CSMD1: variants seen among roughly 807,000 people sequenced by gnomAD.
The protein encoded by CSMD1 is CUB and Sushi multiple domains 1.
A neutral mutation model predicts 417.5 loss-of-function variants in CSMD1; 213 were observed. The ratio of observed to expected loss-of-function variants is 0.51; its 90% CI spans 0.46 to 0.57. The LOEUF is 0.57. Ranked by LOEUF, CSMD1 falls within the 20% of genes least tolerant of loss-of-function variation. CSMD1 has a pLI of 0.00. For synonymous variants in CSMD1, 2,862 were observed against 1,736.8 expected (o/e 1.65, Z -16.11); for missense variants, 6,923 against 4,529.7 (o/e 1.53, Z -15.17).
chr8:3,441,645 T>C (rs947259474), intron 12 of CSMD1, among the ~76,000 whole-genome samples: 9 of 152,066 alleles, frequency 5.9e-5, no homozygotes, highest in Non-Finnish European at 8.8e-5. Flanking sequence ...CCATTGATCA[T>C]AGCACAATGC....
chr8:3,474,378 G>A (rs981240053), intron 11 of CSMD1, among the ~76,000 whole-genome samples: 1 of 152,164 alleles, frequency 6.6e-6, no homozygotes, highest in Non-Finnish European at 1.5e-5. Flanking sequence ...CTCGGGGGAA[G>A]AGGTTTTCCT....
intron 1 of CSMD1, among the ~76,000 whole-genome samples, chr8:4,977,335 A>C (rs1327718839): frequency 6.6e-6 from 1 of 152,146 alleles, no homozygotes; most frequent in African/African-American, 2.4e-5. Flanking sequence ...CCTTGATTGA[A>C]AACGCAGCAG....
At chr8:3,113,270 C>T (rs1032415755) in intron 42 of CSMD1, 1 of 152,230 alleles carries the variant, frequency 6.6e-6, no homozygotes, top group Non-Finnish European at 1.5e-5. Flanking sequence ...CTGACCATGG[C>T]ATCAGCAACT....
intron 3 of CSMD1, among the ~76,000 whole-genome samples, chr8:4,156,914 G>T (rs1416956306): frequency 6.6e-6 from 1 of 152,082 alleles, no homozygotes; most frequent in South Asian, 2.1e-4. Context: ...TACCTCTCCG[G>T]ACATTTGTGA....
At chr8:4,950,883 G>A (rs7004731) in intron 1 of CSMD1, among the ~76,000 whole-genome samples, 1 of 151,706 alleles carries the variant, frequency 6.6e-6, no homozygotes, top group Non-Finnish European at 1.5e-5. Flanking sequence ...AAAAGTACCA[G>A]GGTGGCAAAC....
At chr8:2,970,218 AG>A (rs1191488177) in intron 57 of CSMD1, among the ~76,000 whole-genome samples, 1 of 152,212 alleles carries the variant, frequency 6.6e-6, no homozygotes, top group African/African-American at 2.4e-5. Context: ...GTGCCTTCAT[AG>A]CCCCACAGAG....
At chr8:4,079,107 G>T (rs570539482) in intron 3 of CSMD1, among the ~76,000 whole-genome samples, 1 of 151,756 alleles carries the variant, frequency 6.6e-6, no homozygotes, top group Non-Finnish European at 1.5e-5. Flanking sequence ...AAATAGGGTG[G>T]TGTTTGAGAC....
At chr8:3,758,261 G>T (rs1030540284) in intron 5 of CSMD1, among the ~76,000 whole-genome samples, 58 of 152,210 alleles carry the variant, frequency 3.8e-4, no homozygotes, top group African/African-American at 1.4e-3. Context: ...ATCACACTCA[G>T]CCTTGCACAG....
At chr8:4,686,589 G>A (rs575546286) in intron 1 of CSMD1, among the ~76,000 whole-genome samples, 21 of 152,314 alleles carry the variant, frequency 1.4e-4, no homozygotes, top group African/African-American at 2.6e-4. Flanking sequence ...CAAGTCCTTC[G>A]TCCAGTCTCA....
At chr8:4,741,452 A>C (rs1810599387) in intron 1 of CSMD1, among the ~76,000 whole-genome samples, 1 of 152,222 alleles carries the variant, frequency 6.6e-6, no homozygotes, top group Non-Finnish European at 1.5e-5. Context: ...ATGTTGAAAT[A>C]TGTAATATTT....
chr8:4,535,412 G>T (rs6996668), intron 2 of CSMD1, among the ~76,000 whole-genome samples: 28,059 of 151,942 alleles, frequency 0.18, 3,104 homozygotes, highest in Non-Finnish European at 0.25. Context: ...ATGAACAATA[G>T]AATTCATTTG....
rs138649320 is a variant in CSMD1, at chr8:4,373,352, G to A, written c.415+46601C>T. Among the ~76,000 whole-genome samples the A allele has an allele frequency of 5.6e-4, 86 of 152,270 alleles. 1 individual carries two copies. The highest frequency in any genetic ancestry group is 1.9e-3 in the African/African-American group (78 of 41,552). On this transcript the variant is annotated intron_variant, in intron 3 of 69. Transcript: ENST00000635120. ...CGACATAGGATTTTTAGTTAATAAC[G>A]TGTCACTGTTGGTTTATTAACTGCA...
At chr8:3,260,262 G>T (rs574651334) in intron 26 of CSMD1, among the ~76,000 whole-genome samples, 28 of 152,180 alleles carry the variant, frequency 1.8e-4, no homozygotes, top group African/African-American at 6.0e-4. Context: ...TTGCTCTTCA[G>T]GGTGAGATCC....
chr8:3,119,090 G>A (rs963642667), intron 41 of CSMD1, among the ~76,000 whole-genome samples: 1 of 152,070 alleles, frequency 6.6e-6, no homozygotes, highest in African/African-American at 2.4e-5. Context: ...TGAGGCGGGA[G>A]AATGGCGTGA....
chr8:3,966,840 A>G (rs1454619734), intron 5 of CSMD1, among the ~76,000 whole-genome samples: 1 of 152,230 alleles, frequency 6.6e-6, no homozygotes, highest in Non-Finnish European at 1.5e-5. Context: ...AATTCTGTAC[A>G]GACACTAAGC....
Position 3,410,011 on chromosome 8 carries a change from G to A in CSMD1, c.1562-406C>T, listed in dbSNP as rs1157715101. 2.0e-5 allele frequency among the ~76,000 whole-genome samples: 3 copies of A among 152,072 alleles called. No individual in the cohort carries two copies. The South Asian group carries it at 6.2e-4, about 31-fold the overall frequency. ...CAAATAATATTCTTCATTCCCTACTGAGTATTTAAATAAATAGAATCTATT... is the reference window on the plus strand; with the variant it reads ...CAAATAATATTCTTCATTCCCTACTAAGTATTTAAATAAATAGAATCTATT... On this transcript the variant is annotated intron_variant, in intron 12 of 69. Coordinates refer to ENST00000635120, the MANE Select transcript of CSMD1 (RefSeq NM_033225.6).
At chr8:4,157,873 T>C (rs1231453270) in intron 3 of CSMD1, among the ~76,000 whole-genome samples, 2 of 152,170 alleles carry the variant, frequency 1.3e-5, no homozygotes, top group Non-Finnish European at 2.9e-5. Flanking sequence ...GGCTTGGTCC[T>C]ATCCTCCCCA....
At chr8:3,681,861 G>C (rs1239495709) in intron 7 of CSMD1, among the ~76,000 whole-genome samples, 5 of 152,120 alleles carry the variant, frequency 3.3e-5, no homozygotes, top group African/African-American at 7.2e-5. Flanking sequence ...CAATGGAACA[G>C]AACAGAGCCC....
intron 1 of CSMD1, among the ~76,000 whole-genome samples, chr8:4,774,189 G>C (rs1026812809): frequency 2.0e-5 from 3 of 152,090 alleles, no homozygotes; most frequent in Non-Finnish European, 4.4e-5. Flanking sequence ...GACAGAGCGA[G>C]GCTGTCTCAA....
Sources: gnomAD v4.1 joint callset for allele counts (sites outside exome capture counted in the v4.1 genomes callset) on GRCh38, gnomAD v4.1.1 for gene constraint, MANE v1.5 for transcripts, NCBI Gene and HGNC (gene_info 2026-07-23, HGNC 2026-07-21) for gene names.